CLIC2: variants seen among roughly 807,000 people sequenced by gnomAD.
The protein encoded by CLIC2 is chloride intracellular channel protein 2.
A neutral mutation model predicts 14.8 loss-of-function variants in CLIC2; 9 were observed. The ratio of observed to expected loss-of-function variants is 0.61; its 90% CI spans 0.37 to 1.06. CLIC2 has a LOEUF of 1.06. Ranked by LOEUF, CLIC2 falls within the 50% of genes least tolerant of loss-of-function variation. CLIC2 has a pLI of 0.01. For synonymous variants in CLIC2, 61 were observed against 66.3 expected, an observed-to-expected ratio of 0.92 and a Z score of 0.39; for missense variants, 148 against 181.4, an observed-to-expected ratio of 0.82 and a Z score of 1.06.
chrX:155,326,668 T>G (rs1357007630), intron 1 of CLIC2, among the ~76,000 whole-genome samples: 1 of 111,386 alleles, frequency 9.0e-6, no homozygotes, highest in Non-Finnish European at 1.9e-5. Flanking sequence ...AACCCAAAAC[T>G]AGTGACAACC....
At position 155,292,747 on chromosome X, in the gene CLIC2, G is replaced by T. The variant is rs1057088208; in HGVS notation, c.293+6038C>A. The T allele has an allele frequency of 3.9e-5, 18 of 458,110 alleles. No homozygotes were observed. The African/African-American group carries it at 4.7e-4, about 12-fold the overall frequency. 37.8% of individuals were successfully genotyped at this position (458,110 alleles called of 1,213,427 possible). ...ATCGCGCCACTGCACTCCAGCCTGG[G>T]CGACAGAGCGAGACTCCGTCTCAAA... On this transcript the variant is annotated intron_variant, in intron 3 of 5. Transcript: ENST00000369449.
At chrX:155,303,107 A>G (rs1278241297) in intron 1 of CLIC2, among the ~76,000 whole-genome samples, 1 of 96,613 alleles carries the variant, frequency 1.0e-5, no homozygotes, top group African/African-American at 3.6e-5. Flanking sequence ...CCCTTGGTGC[A>G]GAGCCGAGTT....
chrX:155,313,339 C>T (rs1374543089), intron 1 of CLIC2, among the ~76,000 whole-genome samples: 2 of 111,135 alleles, frequency 1.8e-5, no homozygotes, highest in Non-Finnish European at 3.8e-5. Flanking sequence ...ATAGAACTAC[C>T]ATTTTACCCA....
intron 3 of CLIC2, chrX:155,292,749 G>A (rs782526077): frequency 1.6e-4 from 72 of 453,291 alleles, no homozygotes; most frequent in Admixed American, 5.1e-4. Context: ...CAGCCTGGGC[G>A]ACAGAGCGAG....
chrX:155,287,251 A>T (rs2074946245), intron 3 of CLIC2, among the ~76,000 whole-genome samples: 1 of 112,365 alleles, frequency 8.9e-6, no homozygotes, highest in South Asian at 3.7e-4. Context: ...TTTGTCAAAA[A>T]TCACATGGTT....
At chrX:155,311,486 A>C (rs1557320572) in intron 1 of CLIC2, among the ~76,000 whole-genome samples, 1 of 111,603 alleles carries the variant, frequency 9.0e-6, no homozygotes, top group East Asian at 2.8e-4. Flanking sequence ...TATTGTCCAT[A>C]TCATCAGCAT....
intron 1 of CLIC2, among the ~76,000 whole-genome samples, chrX:155,312,049 T>C (rs370858226): frequency 2.0e-4 from 22 of 111,666 alleles, no homozygotes; most frequent in East Asian, 5.6e-4. Context: ...GTTGCAAAAA[T>C]TGTCAATAAA....
chrX:155,318,617 T>C (rs2075102825), intron 1 of CLIC2, among the ~76,000 whole-genome samples: 2 of 112,077 alleles, frequency 1.8e-5, no homozygotes, highest in Non-Finnish European at 3.8e-5. Flanking sequence ...AGAATCAATA[T>C]TGTGAAAATG....
At chrX:155,325,223 A>G (rs1437725179) in intron 1 of CLIC2, among the ~76,000 whole-genome samples, 2 of 112,054 alleles carry the variant, frequency 1.8e-5, no homozygotes, top group Non-Finnish European at 3.8e-5. Context: ...ATCTAGAATC[A>G]GAAATACCAT....
intron 3 of CLIC2, among the ~76,000 whole-genome samples, chrX:155,281,869 G>T (rs1426520836): frequency 9.0e-6 from 1 of 110,994 alleles, no homozygotes; most frequent in Non-Finnish European, 1.9e-5. Flanking sequence ...GCTCATAGTG[G>T]TCTACAAGGA....
intron 3 of CLIC2, among the ~76,000 whole-genome samples, chrX:155,281,955 A>G (rs1483861369): frequency 2.7e-5 from 3 of 109,987 alleles, no homozygotes; most frequent in Non-Finnish European, 3.8e-5. Context: ...GCTTTCCCCT[A>G]CTCAGTAGTC....
chrX:155,278,752 T>C (rs1327414554), intron 5 of CLIC2: 4 of 134,171 alleles, frequency 3.0e-5, no homozygotes, highest in Non-Finnish European at 5.9e-5. Context: ...CTGTGCAACA[T>C]GGTGAAACCC....
intron 4 of CLIC2, among the ~76,000 whole-genome samples, chrX:155,279,549 G>A (rs2074911123): frequency 9.0e-6 from 1 of 111,504 alleles, no homozygotes; most frequent in Admixed American, 9.5e-5. Context: ...TTCTTAGGGA[G>A]GTGCATTGGC....
intron 1 of CLIC2, among the ~76,000 whole-genome samples, chrX:155,324,928 A>T (rs1364936719): frequency 2.7e-5 from 3 of 112,027 alleles, no homozygotes; most frequent in Non-Finnish European, 5.6e-5. Flanking sequence ...AAAAAACCAA[A>T]CAACCCCATC....
intron 3 of CLIC2, among the ~76,000 whole-genome samples, chrX:155,289,629 A>T (rs782507025): frequency 8.9e-6 from 1 of 111,953 alleles, no homozygotes; most frequent in Non-Finnish European, 1.9e-5. Context: ...TTTGAATGAT[A>T]TTAATTTAAA....
At chrX:155,310,474 C>T in intron 1 of CLIC2, 1 of 269,929 alleles carries the variant, frequency 3.7e-6, no homozygotes, top group East Asian at 1.4e-4. Context: ...TTGCATTTTT[C>T]TCACCTTGTT....
At chrX:155,297,862 A>AG (rs2074999124) in intron 3 of CLIC2, among the ~76,000 whole-genome samples, 2 of 76,867 alleles carry the variant, frequency 2.6e-5, no homozygotes, top group East Asian at 4.0e-4. Context: ...TCCGGTCTCA[A>AG]AAAAAAAAAA....
At chrX:155,278,146 T>G (rs981979162) in intron 5 of CLIC2, 82 bp from the exon 6 acceptor site, 2 of 826,953 alleles carry the variant, frequency 2.4e-6, no homozygotes, top group Non-Finnish European at 3.6e-6. Context: ...GAAGTCAAGA[T>G]TATCAAAGGC....
chrX:155,304,955 G>C (rs374511905), intron 1 of CLIC2, among the ~76,000 whole-genome samples: 1 of 106,787 alleles, frequency 9.4e-6, no homozygotes. Flanking sequence ...CTCCAGCTGC[G>C]TGCTGGGAGA....
Sources: allele counts gnomAD v4.1 joint callset (sites outside exome capture counted in the v4.1 genomes callset), GRCh38; gene constraint gnomAD v4.1.1; transcripts MANE v1.5; gene names NCBI Gene and HGNC (gene_info 2026-07-23, HGNC 2026-07-21).